The following GALNT10 variants were observed in gnomAD, a reference collection of about 807,000 sequenced individuals.
The protein encoded by GALNT10 is GalNAc transferase 10.
GALNT10 carries 41 observed loss-of-function variants against 75.0 expected under a neutral mutation model. That is an observed-to-expected ratio of 0.55 (90% confidence interval 0.43 to 0.71). GALNT10 has a LOEUF of 0.71. Among genes scored for constraint, GALNT10 ranks in the 30% least tolerant of loss-of-function variants. GALNT10 has a pLI of 0.00. For synonymous variants in GALNT10, 302 were observed against 313.0 expected, an observed-to-expected ratio of 0.96 and a Z score of 0.37; for missense variants, 727 against 818.5, an observed-to-expected ratio of 0.89 and a Z score of 1.36.
At chr5:154,197,180 G>C (rs933037680) in intron 1 of GALNT10, among the ~76,000 whole-genome samples, 12 of 152,128 alleles carry the variant, frequency 7.9e-5, no homozygotes, top group Admixed American at 7.2e-4. Flanking sequence ...TGGAGATAAA[G>C]AGCAATTGAA....
intron 1 of GALNT10, among the ~76,000 whole-genome samples, chr5:154,209,862 C>T (rs866736676): frequency 6.6e-6 from 1 of 151,918 alleles, no homozygotes. Flanking sequence ...TATGTAATAG[C>T]TCTAGTGGGG....
At chr5:154,329,509 T>G (rs1754809378) in intron 3 of GALNT10, 63 bp from the exon 4 acceptor site, 5 of 1,364,554 alleles carry the variant, frequency 3.7e-6, no homozygotes, top group African/African-American at 2.9e-5. Flanking sequence ...ACCCTGTGCC[T>G]GAGTTCTCTT....
chr5:154,380,570 T>G lies in GALNT10; in HGVS notation c.877T>G (p.Tyr293Asp). The G allele has an allele frequency of 1.2e-6, 2 of 1,613,936 alleles. No individual in the cohort carries two copies. ...GCGGGGAGCCTTTGACTGGGAGATG[T>G]ACTACAAGCGGATCCCGATCCCTCC... ...AMRGAFDWEM[Y>D]YKRIPIPPEL... The change falls in exon 6 of 12, where the codon TAC becomes GAC. Residue 293 changes from tyrosine to aspartate, a missense_variant. Tyr to Asp is a radical substitution (Grantham distance 160). Coordinates refer to ENST00000297107, the MANE Select transcript of GALNT10 (RefSeq NM_198321.4).
In GALNT10 at chr5:154,190,777, C is replaced by T. The variant is rs1214378797; in HGVS notation, c.-90C>T. 15 of 419,766 alleles carry T rather than the reference C, an allele frequency of 3.6e-5. No homozygotes were observed. Among genetic ancestry groups the T allele is most frequent in the Non-Finnish European group, 4.7e-5 (15 of 320,648 alleles). The allele number at this position is 419,766 out of a possible 1,614,324, so 26.0% of individuals were successfully genotyped here. ...GCCGCAGCCGCTTCTGCTGGCTGAG[C>T]TGCTGCCGCCGCCGGGCGGACGGGC... On this transcript the variant is annotated 5_prime_UTR_variant, in exon 1 of 12. Transcript: ENST00000297107.
intron 4 of GALNT10, among the ~76,000 whole-genome samples, chr5:154,361,751 A>G (rs1022732426): frequency 4.6e-5 from 7 of 152,230 alleles, no homozygotes; most frequent in African/African-American, 1.7e-4. Flanking sequence ...TTATGTTTAC[A>G]TATCTGATTT....
At chr5:154,233,539 G>A (rs1753197633) in intron 1 of GALNT10, among the ~76,000 whole-genome samples, 1 of 152,114 alleles carries the variant, frequency 6.6e-6, no homozygotes, top group Non-Finnish European at 1.5e-5. Flanking sequence ...CCAAGGTGAG[G>A]CACCAAGGGG....
intron 1 of GALNT10, among the ~76,000 whole-genome samples, chr5:154,292,161 G>T (rs1754203253): frequency 6.6e-6 from 1 of 152,186 alleles, no homozygotes; most frequent in Non-Finnish European, 1.5e-5. Flanking sequence ...AACTTGATGT[G>T]ACAACACAGA....
At chr5:154,249,822 G>A (rs954117417) in intron 1 of GALNT10, among the ~76,000 whole-genome samples, 6 of 152,170 alleles carry the variant, frequency 3.9e-5, no homozygotes, top group African/African-American at 1.2e-4. Flanking sequence ...TTTGGGTGAG[G>A]AGAAGAAAAG....
At chr5:154,237,464 G>A (rs550259762) in intron 1 of GALNT10, among the ~76,000 whole-genome samples, 21 of 152,224 alleles carry the variant, frequency 1.4e-4, no homozygotes, top group Non-Finnish European at 2.6e-4. Flanking sequence ...TAATGCATCC[G>A]CACGCTTGTG....
chr5:154,287,286 C>T (rs758649131), intron 1 of GALNT10, among the ~76,000 whole-genome samples: 10 of 152,178 alleles, frequency 6.6e-5, no homozygotes, highest in Non-Finnish European at 1.0e-4. Flanking sequence ...GGTCTTATTG[C>T]TCGTGACTCA....
At chr5:154,205,241 C>A (rs1339066023) in intron 1 of GALNT10, among the ~76,000 whole-genome samples, 2 of 152,256 alleles carry the variant, frequency 1.3e-5, no homozygotes, top group Non-Finnish European at 2.9e-5. Flanking sequence ...CTCTTGAGAT[C>A]TTTTAATCAG....
chr5:154,249,561 GC>G (rs201011066), intron 1 of GALNT10, among the ~76,000 whole-genome samples: 12 of 151,332 alleles, frequency 7.9e-5, no homozygotes, highest in African/African-American at 1.7e-4. Context: ...GCCAACTCCA[GC>G]CCCCCCCAGT....
chr5:154,380,334 G>A, intron 5 of GALNT10, 114 bp from the exon 6 acceptor site: 1 of 841,100 alleles, frequency 1.2e-6, no homozygotes. Context: ...TCCATGGATT[G>A]TCAAACTGAG....
At chr5:154,310,949 T>C (rs934318294) in intron 3 of GALNT10, among the ~76,000 whole-genome samples, 6 of 152,240 alleles carry the variant, frequency 3.9e-5, no homozygotes, top group Non-Finnish European at 7.3e-5. Flanking sequence ...ATTTCTTACA[T>C]TGACTTCTTT....
At chr5:154,297,817 T>A (rs529838996) in intron 2 of GALNT10, 124 bp from the exon 3 acceptor site, 1 of 845,814 alleles carries the variant, frequency 1.2e-6, no homozygotes, top group African/African-American at 1.7e-5. Flanking sequence ...AAAACTGAGC[T>A]ATGCTCTATA....
intron 1 of GALNT10, among the ~76,000 whole-genome samples, chr5:154,219,836 T>TCACACACACACA (rs1192106045): frequency 2.7e-3 from 364 of 134,286 alleles, no homozygotes; most frequent in African/African-American, 7.1e-3. Flanking sequence ...TCTCTCTCTC[T>TCACACACACACA]CTCACACACA....
intron 1 of GALNT10, among the ~76,000 whole-genome samples, chr5:154,202,008 G>T (rs1775035040): frequency 6.6e-6 from 1 of 152,140 alleles, no homozygotes; most frequent in African/African-American, 2.4e-5. Context: ...TGGCATGTCG[G>T]GAAACCCCAG....
intron 1 of GALNT10, chr5:154,219,986 T>C (rs1191812925): frequency 1.3e-5 from 2 of 152,198 alleles, no homozygotes; most frequent in Admixed American, 1.3e-4. Context: ...AATTTTTGTC[T>C]TTGTTTTAAC....
At chr5:154,375,149 C>T (rs1755635081) in intron 4 of GALNT10, among the ~76,000 whole-genome samples, 1 of 152,160 alleles carries the variant, frequency 6.6e-6, no homozygotes, top group Admixed American at 6.5e-5. Context: ...CCACAGCAAA[C>T]CCAGGAATTT....
Sources: gnomAD v4.1 joint callset for allele counts (sites outside exome capture counted in the v4.1 genomes callset) on GRCh38, gnomAD v4.1.1 for gene constraint, MANE v1.5 for transcripts, NCBI Gene and HGNC (gene_info 2026-07-23, HGNC 2026-07-21) for gene names.